Variants in ZNF800 observed in about 807,000 individuals in gnomAD.
ZNF800 encodes the protein zinc finger protein 800.
In ZNF800, 13 loss-of-function variants were observed where a neutral mutation model predicts 59.5. The observed-to-expected ratio is 0.22, with a 90% CI of 0.14 to 0.35. ZNF800 has a LOEUF of 0.35. Ranked by LOEUF, ZNF800 falls within the 10% of genes least tolerant of loss-of-function variation. The pLI is 1.00. For missense variants in ZNF800, 621 were observed against 783.7 expected (o/e 0.79, Z 2.48); for synonymous variants, 266 against 265.7 (o/e 1.00, Z -0.01).
chr7:127,365,729 C>T (rs1047559033), downstream of ZNF800, among the ~76,000 whole-genome samples: 11 of 152,090 alleles, frequency 7.2e-5, no homozygotes, highest in Admixed American at 2.6e-4. Context: ...CATAAAATAA[C>T]GAAGTGCTCT....
chr7:127,391,515 G>C lies in ZNF800; in HGVS notation c.43C>G (p.His15Asp), dbSNP rs746805537. Residue 15 changes from histidine to aspartate, a missense_variant, in exon 2 of 6, where the codon CAC becomes GAC. His to Asp is a moderately conservative substitution (Grantham distance 81). Coordinates refer to ENST00000265827, the MANE Select transcript of ZNF800 (RefSeq NM_176814.5). ...DKYCQTDHHHHGCCEPVYILE... is the reference protein window; with the variant it reads ...DKYCQTDHHHDGCCEPVYILE... Reference sequence around the variant, plus strand: ...GGTCTACCTGGTTCACAGCATCCGTGATGATGGTGGTCAGTCTGACAGTAT... The same window carrying C: ...GGTCTACCTGGTTCACAGCATCCGTCATGATGGTGGTCAGTCTGACAGTAT... 5 of 1,614,178 alleles carry C rather than the reference G, an allele frequency of 3.1e-6. No homozygotes were observed. The highest frequency in any genetic ancestry group is 4.2e-6 in the Non-Finnish European group (5 of 1,180,024).
At chr7:127,368,683 T>C (rs1487237533), downstream of ZNF800, among the ~76,000 whole-genome samples, 1 of 152,076 alleles carries the variant, frequency 6.6e-6, no homozygotes, top group Admixed American at 6.6e-5. Context: ...GATAATCACT[T>C]CTACCTATCT....
Position 127,386,140 on chromosome 7 carries a change from G to C in ZNF800, c.77C>G (p.Pro26Arg). 1.2e-6 allele frequency: 2 copies of C among 1,610,866 alleles called. No individual in the cohort carries two copies. Among genetic ancestry groups the C allele is most frequent in the African/African-American group, 1.3e-5 (1 of 74,904 alleles). ...TTGCTGTAACAAAGGAGGATCTCCA[G>C]GTTCCAGGATATAAACTACATGGAA... ...GCCEPVYILE[P>R]GDPPLLQQPL... The change falls in exon 3 of 6, where the codon CCT (proline) becomes CGT (arginine). Residue 26 changes from proline to arginine, a missense_variant. Physicochemically the swap from Pro to Arg is moderately radical, Grantham distance 103. Coordinates refer to ENST00000265827, the MANE Select transcript of ZNF800 (RefSeq NM_176814.5).
chr7:127,361,037 G>C (rs896613493), intron 1 of ZNF800: 4 of 152,158 alleles, frequency 2.6e-5, no homozygotes, highest in Non-Finnish European at 5.9e-5. Flanking sequence ...GACGGAAACA[G>C]CCCTGCCTTC....
At position 127,391,510 on chromosome 7, in the gene ZNF800, T is replaced by C. The variant is rs367841157; in HGVS notation, c.48A>G (p.Gly16=). ...AGAGGGGTCTACCTGGTTCACAGCA[T>C]CCGTGATGATGGTGGTCAGTCTGAC... ...KYCQTDHHHH[G]CCEPVYILEP... is the part of the protein sequence containing the mutation. The change falls in exon 2 of 6, where the codon GGA becomes GGG. Residue 16 remains glycine (G), a synonymous_variant. Coordinates refer to ENST00000265827, the MANE Select transcript of ZNF800 (RefSeq NM_176814.5). 1 of 1,614,174 alleles carries C rather than the reference T, an allele frequency of 6.2e-7. No individual in the cohort carries two copies. Among genetic ancestry groups the C allele is most frequent in the South Asian group, 1.1e-5 (1 of 91,088 alleles).
At chr7:127,361,228 A>G (rs1800386268) in intron 1 of ZNF800, 1 of 152,176 alleles carries the variant, frequency 6.6e-6, no homozygotes, top group Non-Finnish European at 1.5e-5. Flanking sequence ...GGGTAATACA[A>G]GAGGACATTC....
rs1482641615 is a variant in ZNF800, at chr7:127,374,138, T to G, written c.1198A>C (p.Thr400Pro). ...ACTTTTATTTCTGAACTGTTGGCAG[T>G]ATTATTAGGGCCTTTTTCTCTTTTA... ...NSKREKGPNN[T>P]ANSSEIKVKV... is the part of the protein sequence containing the mutation. Residue 400 changes from threonine to proline, a missense_variant, in exon 5 of 6, where the codon ACT (threonine) becomes CCT (proline). This residue lies in a region of ZNF800 where 185 missense variants were observed against 177.6 expected (regional missense o/e 1.04). Coordinates refer to ENST00000265827, the MANE Select transcript of ZNF800 (RefSeq NM_176814.5). 1 of 1,613,440 alleles carries G rather than the reference T, an allele frequency of 6.2e-7. No homozygotes were observed. The highest frequency in any genetic ancestry group is 1.7e-5 in the Admixed American group (1 of 59,826).
intron 1 of ZNF800, among the ~76,000 whole-genome samples, chr7:127,351,737 C>T (rs1270424432): frequency 1.3e-5 from 2 of 152,222 alleles, no homozygotes; most frequent in Non-Finnish European, 2.9e-5. Flanking sequence ...CCTCCCAGTG[C>T]CATGGCCATC....
Position 127,392,230 on chromosome 7 carries a change from G to C in ZNF800, c.-229C>G, listed in dbSNP as rs1397533334. ...GACGCGCTCCCAAAGAGTCCCCGCC[G>C]GCGCTGACGCGGAAGCGCCACAGCT... is the stretch of plus-strand genomic sequence containing the variant. On this transcript the variant is annotated 5_prime_UTR_variant, in exon 1 of 6. Coordinates refer to ENST00000265827, the MANE Select transcript of ZNF800 (RefSeq NM_176814.5). 1 of 394,282 alleles carries C rather than the reference G, an allele frequency of 2.5e-6. No individual in the cohort carries two copies. The highest frequency in any genetic ancestry group is 4.4e-5 in the Admixed American group (1 of 22,554). 24.4% of individuals were successfully genotyped at this position (394,282 alleles called of 1,614,324 possible). A position where few individuals can be genotyped will look rare whatever the true frequency, so the allele number is the denominator to read the frequency against.
chr7:127,365,897 C>T (rs1265957083), downstream of ZNF800, among the ~76,000 whole-genome samples: 1 of 152,016 alleles, frequency 6.6e-6, no homozygotes, highest in East Asian at 1.9e-4. Context: ...AGAAAGAAAC[C>T]GATACAAGTT....
chr7:127,343,937 T>A (rs1800011604), downstream of ZNF800, among the ~76,000 whole-genome samples: 1 of 152,034 alleles, frequency 6.6e-6, no homozygotes, highest in East Asian at 1.9e-4. Flanking sequence ...TCTAATAAAA[T>A]GCTTAGTATA....
chr7:127,387,290 T>C (rs1473200544), intron 2 of ZNF800, among the ~76,000 whole-genome samples: 1 of 152,140 alleles, frequency 6.6e-6, no homozygotes, highest in Non-Finnish European at 1.5e-5. Flanking sequence ...TGCCATAATG[T>C]TCTACTCAAC....
intron 3 of ZNF800, among the ~76,000 whole-genome samples, chr7:127,385,806 CATAAT>C (rs1172866832): frequency 1.3e-5 from 2 of 152,018 alleles, no homozygotes; most frequent in African/African-American, 2.4e-5. Context: ...AAATACACCA[CATAAT>C]ATATTTATTT....
chr7:127,350,102 A>C (rs1587419218), intron 1 of ZNF800: 1 of 152,206 alleles, frequency 6.6e-6, no homozygotes, highest in African/African-American at 2.4e-5. Context: ...TATTCTTCAA[A>C]TGAGCTGATT....
intron 1 of ZNF800, 115 bp from the exon 2 acceptor site, chr7:127,391,730 C>A: frequency 4.7e-6 from 3 of 640,052 alleles, no homozygotes. Context: ...CGGACCCGCA[C>A]CTCCCTCTCG....
At chr7:127,348,126 G>A (rs957002640) in intron 1 of ZNF800, 1 of 152,082 alleles carries the variant, frequency 6.6e-6, no homozygotes, top group African/African-American at 2.4e-5. Context: ...GAGCGCCGAC[G>A]CCTCTCAGCC....
chr7:127,346,146 G>A (rs541477405), downstream of ZNF800, among the ~76,000 whole-genome samples: 1 of 152,330 alleles, frequency 6.6e-6, no homozygotes, highest in Non-Finnish European at 1.5e-5. Context: ...AGGTAACTGG[G>A]TTGGAGGATC....
chr7:127,392,182 CG>C lies in ZNF800; in HGVS notation c.-182del. The C allele has an allele frequency of 2.5e-6, 1 of 394,532 alleles. No homozygotes were observed. Among genetic ancestry groups the C allele is most frequent in the Non-Finnish European group, 4.5e-6 (1 of 223,330 alleles). The allele number at this position is 394,532 out of a possible 1,614,324, so 24.4% of individuals were successfully genotyped here. A position where few individuals can be genotyped will look rare whatever the true frequency, so the allele number is the denominator to read the frequency against. ...CCTGGCGCAGCCTCCGCTGACCACG[CG>C]GGGGAACCCGGACTCGGGCCCGACG... On this transcript the variant is annotated 5_prime_UTR_variant, in exon 1 of 6. Transcript: ENST00000265827.
downstream of ZNF800, among the ~76,000 whole-genome samples, chr7:127,366,888 A>G (rs1341496436): frequency 2.0e-5 from 3 of 152,122 alleles, no homozygotes; most frequent in Non-Finnish European, 4.4e-5. Flanking sequence ...CAGGCAATGA[A>G]TCTAACTGGA....
Sources: gnomAD v4.1 joint callset for allele counts (sites outside exome capture counted in the v4.1 genomes callset) on GRCh38, gnomAD v4.1.1 for gene constraint, gnomAD v4.1.1 regional missense constraint, MANE v1.5 for transcripts, NCBI Gene and HGNC (gene_info 2026-07-23, HGNC 2026-07-21) for gene names.